ABCA13: variants seen among roughly 807,000 people sequenced by gnomAD.
ABCA13 encodes ATP binding cassette subfamily A member 13.
ABCA13 carries 476 observed loss-of-function variants against 478.7 expected under a neutral mutation model. That is an observed-to-expected ratio of 0.99 (90% CI 0.92 to 1.07). The LOEUF (loss-of-function observed/expected upper bound fraction) is 1.07, where lower values mean the gene tolerates loss of function less well. Among genes scored for constraint, ABCA13 ranks in the 50% least tolerant of loss-of-function variants. The pLI, the probability that ABCA13 is intolerant of heterozygous loss-of-function variation, is 0.00. For synonymous variants in ABCA13, 2,252 were observed against 2,158.9 expected (o/e 1.04, Z -1.20); for missense variants, 6,060 against 5,910.6 (o/e 1.03, Z -0.83).
chr7:48,408,372 G>A (rs193244873), intron 39 of ABCA13, among the ~76,000 whole-genome samples: 4 of 152,264 alleles, frequency 2.6e-5, no homozygotes, highest in Admixed American at 1.3e-4. Flanking sequence ...CTACATGATA[G>A]CTCTAGTCAG....
intron 23 of ABCA13, among the ~76,000 whole-genome samples, chr7:48,305,323 G>A (rs1034382369): frequency 2.6e-5 from 4 of 152,276 alleles, no homozygotes; most frequent in Non-Finnish European, 5.9e-5. Flanking sequence ...CCAGGTTCTC[G>A]CAGCCTTCTC....
chr7:48,626,214 C>T (rs565589568), intron 59 of ABCA13, among the ~76,000 whole-genome samples: 14 of 152,142 alleles, frequency 9.2e-5, no homozygotes, highest in Admixed American at 3.3e-4. Context: ...ACCATTAGCA[C>T]GACAAGAAGG....
At chr7:48,508,092 A>T in intron 50 of ABCA13, 43 bp downstream of exon 50, 1 of 1,612,716 alleles carries the variant, frequency 6.2e-7, no homozygotes, top group Non-Finnish European at 8.5e-7. Flanking sequence ...CACAATAGTG[A>T]TCTAAATAGT....
intron 48 of ABCA13, among the ~76,000 whole-genome samples, chr7:48,504,780 C>T (rs1208721266): frequency 1.3e-5 from 2 of 152,158 alleles, no homozygotes; most frequent in African/African-American, 2.4e-5. Flanking sequence ...TGTCTAATGT[C>T]GCTTGGCTTT....
intron 44 of ABCA13, 48 bp downstream of exon 44, chr7:48,467,093 T>C (rs1826966441): frequency 2.0e-6 from 3 of 1,526,254 alleles, no homozygotes; most frequent in Non-Finnish European, 2.7e-6. Flanking sequence ...CAACTGGTAA[T>C]ATTGTAGCCT....
Position 48,246,003 on chromosome 7 carries a change from C to T in ABCA13, c.1632C>T (p.Asn544=). 6.2e-7 allele frequency: 1 copy of T among 1,613,676 alleles called. No homozygotes were observed. Among genetic ancestry groups the T allele is most frequent in the African/African-American group, 1.3e-5 (1 of 75,034 alleles). ...ACTCCTCTGAGACGAGTGTTTTAAA[C>T]AAGCTACTTGGTTCAGTAGAGGATG... ...YCNSSETSVL[N]KLLGSVEDAD... The change falls in exon 13 of 62, where the codon AAC becomes AAT. Residue 544 remains asparagine, a synonymous_variant. Transcript: ENST00000435803.
chr7:48,209,560 A>G (rs1785355885), intron 3 of ABCA13, among the ~76,000 whole-genome samples: 1 of 152,106 alleles, frequency 6.6e-6, no homozygotes, highest in African/African-American at 2.4e-5. Flanking sequence ...GGTTTATTCA[A>G]ATTTTGGATT....
chr7:48,541,715 G>A (rs565945720), intron 55 of ABCA13, among the ~76,000 whole-genome samples: 7 of 106,474 alleles, frequency 6.6e-5, no homozygotes, highest in Middle Eastern at 4.4e-3. Context: ...AGAAGAAAAA[G>A]AGATATATAT....
At chr7:48,191,237 G>A (rs1045701218) in intron 1 of ABCA13, among the ~76,000 whole-genome samples, 1 of 152,126 alleles carries the variant, frequency 6.6e-6, no homozygotes, top group Admixed American at 6.5e-5. Context: ...TTTCTTTATA[G>A]TTTAATTGTG....
chr7:48,594,926 A>G (rs1184896047), intron 58 of ABCA13, 113 bp downstream of exon 58: 1 of 857,376 alleles, frequency 1.2e-6, no homozygotes, highest in Non-Finnish European at 1.9e-6. Context: ...TAATCTTTAC[A>G]ACACAATAAT....
intron 13 of ABCA13, among the ~76,000 whole-genome samples, chr7:48,247,335 T>C (rs1356225616): frequency 6.6e-6 from 1 of 152,138 alleles, no homozygotes; most frequent in African/African-American, 2.4e-5. Flanking sequence ...TGCTACTAGA[T>C]GTCAGCTCTT....
At chr7:48,196,460 G>A (rs998207519) in intron 2 of ABCA13, among the ~76,000 whole-genome samples, 6 of 152,260 alleles carry the variant, frequency 3.9e-5, no homozygotes, top group African/African-American at 4.8e-5. Context: ...TGGGCATGGC[G>A]TGCAACCTTT....
Position 48,643,266 on chromosome 7 carries a change from T to TAAATAAA in ABCA13, c.14838-22_14838-21insAAATAAA. On this transcript the variant is annotated intron_variant, in intron 59 of 61. Coordinates refer to ENST00000435803, the MANE Select transcript of ABCA13 (RefSeq NM_152701.5). ...TAGGTCAATATGATAATAATCATGT[T>TAAATAAA]TCTATTTTATTTAACTCTCAGGTTT... The TAAATAAA allele has an allele frequency of 2.0e-6, 3 of 1,496,298 alleles. No individual in the cohort carries two copies. In the South Asian group the frequency reaches 3.6e-5, roughly 18 times the overall value. 92.7% of individuals were successfully genotyped at this position (1,496,298 alleles called of 1,614,324 possible).
At chr7:48,625,915 A>G (rs912899436) in intron 59 of ABCA13, among the ~76,000 whole-genome samples, 2 of 152,208 alleles carry the variant, frequency 1.3e-5, no homozygotes, top group South Asian at 2.1e-4. Context: ...CTGTTCATTC[A>G]TACACATTTA....
At chr7:48,229,725 C>T (rs1788769597) in intron 6 of ABCA13, 100 bp from the exon 7 acceptor site, 1 of 1,421,168 alleles carries the variant, frequency 7.0e-7, no homozygotes, top group East Asian at 2.3e-5. Flanking sequence ...TGCAACAGCA[C>T]TAGGGGCCCA....
chr7:48,637,935 A>G (rs1339491759), intron 59 of ABCA13, among the ~76,000 whole-genome samples: 5 of 152,178 alleles, frequency 3.3e-5, no homozygotes, highest in Non-Finnish European at 1.5e-5. Context: ...AGAAGGGTTT[A>G]TGTGTCCTGT....
At chr7:48,581,740 A>G (rs1418812815) in intron 56 of ABCA13, among the ~76,000 whole-genome samples, 1 of 152,206 alleles carries the variant, frequency 6.6e-6, no homozygotes, top group Non-Finnish European at 1.5e-5. Flanking sequence ...ATGGTAACCA[A>G]TTAGGAACTG....
chr7:48,633,750 G>T (rs923966027), intron 59 of ABCA13, among the ~76,000 whole-genome samples: 9 of 151,442 alleles, frequency 5.9e-5, no homozygotes, highest in Non-Finnish European at 1.0e-4. Flanking sequence ...TTAGCTAGGT[G>T]TGGTGGCACG....
chr7:48,618,248 T>C (rs1792791088), intron 59 of ABCA13, among the ~76,000 whole-genome samples: 1 of 152,200 alleles, frequency 6.6e-6, no homozygotes, highest in South Asian at 2.1e-4. Flanking sequence ...ATTCTCTTCC[T>C]TCCTGCTGTG....
Sources: allele counts gnomAD v4.1 joint callset (sites outside exome capture counted in the v4.1 genomes callset), GRCh38; gene constraint gnomAD v4.1.1; transcripts MANE v1.5; gene names NCBI Gene and HGNC (gene_info 2026-07-23, HGNC 2026-07-21).